The following ATP6V1B2 variants were observed in gnomAD, a reference collection of about 807,000 sequenced individuals.
ATP6V1B2 encodes the protein V-type proton ATPase subunit B, brain isoform.
Under a neutral mutation model 66.7 loss-of-function variants are expected in ATP6V1B2, and 23 were observed. That is an observed-to-expected ratio of 0.34 (90% CI 0.25 to 0.49). The LOEUF (loss-of-function observed/expected upper bound fraction) is 0.49, where lower values mean the gene tolerates loss of function less well. Ranked by LOEUF, ATP6V1B2 falls within the 20% of genes least tolerant of loss-of-function variation. ATP6V1B2 has a pLI of 0.99. For synonymous variants in ATP6V1B2, 278 were observed against 236.7 expected (o/e 1.17, Z -1.60); for missense variants, 478 against 650.8 (o/e 0.73, Z 2.89).
At chr8:20,219,364 T>C (rs1272704574) in intron 13 of ATP6V1B2, among the ~76,000 whole-genome samples, 4 of 152,138 alleles carry the variant, frequency 2.6e-5, no homozygotes, top group African/African-American at 9.7e-5. Flanking sequence ...AGGGTAAATA[T>C]ATTACTAATT....
At chr8:20,207,699 A>G (rs2072752831) in intron 2 of ATP6V1B2, among the ~76,000 whole-genome samples, 1 of 152,068 alleles carries the variant, frequency 6.6e-6, no homozygotes, top group African/African-American at 2.4e-5. Context: ...TGTTGTGCAC[A>G]TGTATCCTAA....
chr8:20,217,516 T>C (rs1042932336), intron 12 of ATP6V1B2, among the ~76,000 whole-genome samples, 192 bp downstream of exon 12: 1 of 152,164 alleles, frequency 6.6e-6, no homozygotes, highest in Admixed American at 6.5e-5. Context: ...ATGCAAATGA[T>C]CAAGATTAGC....
In ATP6V1B2 at chr8:20,212,278, G is replaced by C. The variant is rs10156354; in HGVS notation, c.803+79G>C. ...TCTTAAGGTTGGGGAGGTAAAATGT[G>C]GTAATAACAGCATTTGGACCTAACA... On this transcript the variant is annotated intron_variant, in intron 8 of 13. Transcript: ENST00000276390. The C allele has an allele frequency of 0.29, 387,232 of 1,332,192 alleles. 56,921 individuals carry two copies. The highest frequency in any genetic ancestry group is 0.37 in the African/African-American group (25,354 of 68,674). The allele number at this position is 1,332,192 out of a possible 1,614,324, so 82.5% of individuals were successfully genotyped here.
At chr8:20,206,183 T>G (rs1258871268) in intron 2 of ATP6V1B2, among the ~76,000 whole-genome samples, 1 of 152,264 alleles carries the variant, frequency 6.6e-6, no homozygotes, top group African/African-American at 2.4e-5. Flanking sequence ...ACTGCTGTTC[T>G]CAGTATGTAC....
intron 1 of ATP6V1B2, among the ~76,000 whole-genome samples, chr8:20,200,650 A>G (rs1477493814): frequency 6.6e-6 from 1 of 152,246 alleles, no homozygotes; most frequent in African/African-American, 2.4e-5. Context: ...GAAAAGATTC[A>G]ACAACATACA....
chr8:20,206,075 G>A (rs1047983892), intron 2 of ATP6V1B2, among the ~76,000 whole-genome samples: 2 of 152,168 alleles, frequency 1.3e-5, no homozygotes, highest in Non-Finnish European at 2.9e-5. Context: ...TAACCTCTTA[G>A]TGAGTATCTA....
intron 8 of ATP6V1B2, 53 bp downstream of exon 8, chr8:20,212,252 G>C: frequency 6.4e-7 from 1 of 1,555,868 alleles, no homozygotes; most frequent in Non-Finnish European, 8.8e-7. Flanking sequence ...TCAAAAGTGT[G>C]TCTTAAGGTT....
At chr8:20,204,731 T>G (rs1210654128) in intron 2 of ATP6V1B2, among the ~76,000 whole-genome samples, 192 bp downstream of exon 2, 2 of 152,142 alleles carry the variant, frequency 1.3e-5, no homozygotes. Flanking sequence ...CCTGAGCTGT[T>G]TGACCAAAAT....
Position 20,218,144 on chromosome 8 carries a change from T to C in ATP6V1B2, c.1267-9T>C. 6.2e-7 allele frequency: 1 copy of C among 1,611,316 alleles called. No individual in the cohort carries two copies. The highest frequency in any genetic ancestry group is 8.5e-7 in the Non-Finnish European group (1 of 1,178,694). ...TCTCTCTGCTGATGGGTGCCTTTCT[T>C]CTCTTTAGTATGCGTGCTATGCTAT... On this transcript the variant is annotated splice_polypyrimidine_tract_variant and intron_variant, in intron 12 of 13. Transcript: ENST00000276390.
chr8:20,202,874 G>A (rs1015877209), intron 1 of ATP6V1B2, among the ~76,000 whole-genome samples: 6 of 152,086 alleles, frequency 3.9e-5, no homozygotes, highest in African/African-American at 1.2e-4. Flanking sequence ...AAAGGTCTAC[G>A]TTTCTGCATT....
chr8:20,208,963 C>A (rs1218931149), intron 2 of ATP6V1B2, among the ~76,000 whole-genome samples: 2 of 152,118 alleles, frequency 1.3e-5, no homozygotes, highest in African/African-American at 2.4e-5. Flanking sequence ...CCCATCTTAG[C>A]TTCCCAAAGT....
chr8:20,209,162 G>A (rs912563094), intron 2 of ATP6V1B2, among the ~76,000 whole-genome samples: 2 of 152,140 alleles, frequency 1.3e-5, no homozygotes, highest in African/African-American at 4.8e-5. Flanking sequence ...TATGCATGCA[G>A]AGGAAAAGCA....
Position 20,203,909 on chromosome 8 carries a change from T to C in ATP6V1B2, c.137-575T>C, listed in dbSNP as rs748780818. 1.1e-5 allele frequency: 5 copies of C among 445,988 alleles called. 1 individual carries two copies. Among genetic ancestry groups the C allele is most frequent in the South Asian group, 6.5e-5 (4 of 61,630 alleles). The allele number at this position is 445,988 out of a possible 1,614,324, so 27.6% of individuals were successfully genotyped here. On this transcript the variant is annotated intron_variant, in intron 1 of 13. Transcript: ENST00000276390. ...TGCCTACTCCGTCCTTCAGAAGCTCTTTTCCCTAGTTTTTATGACACCATT... is the reference window on the plus strand; with the variant it reads ...TGCCTACTCCGTCCTTCAGAAGCTCCTTTCCCTAGTTTTTATGACACCATT...
chr8:20,220,179 G>T (rs1421231443), intron 13 of ATP6V1B2, 84 bp from the exon 14 acceptor site: 1 of 1,451,150 alleles, frequency 6.9e-7, no homozygotes, highest in Admixed American at 2.4e-5. Context: ...TTAATACACT[G>T]CTAGTCATAT....
At chr8:20,211,777 A>G (rs372596079) in intron 7 of ATP6V1B2, 24 bp downstream of exon 7, 43 of 1,558,006 alleles carry the variant, frequency 2.8e-5, no homozygotes, top group African/African-American at 6.9e-5. Context: ...TTGTTTTAGT[A>G]TGATATGTAA....
intron 2 of ATP6V1B2, among the ~76,000 whole-genome samples, chr8:20,207,094 A>G (rs2072746613): frequency 6.6e-6 from 1 of 152,252 alleles, no homozygotes; most frequent in Non-Finnish European, 1.5e-5. Context: ...TTTACAGAAA[A>G]CTATAAAACA....
chr8:20,212,074 C>G (rs1357166330), intron 7 of ATP6V1B2, 28 bp from the exon 8 acceptor site: 1 of 1,578,750 alleles, frequency 6.3e-7, no homozygotes, highest in Admixed American at 1.7e-5. Context: ...TTTCTTCTCC[C>G]AGCACTGATG....
chr8:20,209,948 C>G (rs936907381), intron 3 of ATP6V1B2, among the ~76,000 whole-genome samples: 5 of 151,786 alleles, frequency 3.3e-5, no homozygotes, highest in Admixed American at 2.0e-4. Context: ...CAGGGATTGG[C>G]AAGATTTCTG....
chr8:20,219,943 C>G (rs1318328524), intron 13 of ATP6V1B2, among the ~76,000 whole-genome samples: 2 of 152,130 alleles, frequency 1.3e-5, no homozygotes, highest in Non-Finnish European at 2.9e-5. Context: ...TCTTACTAAT[C>G]TCTGGACAAA....
Sources: allele counts gnomAD v4.1 joint callset (sites outside exome capture counted in the v4.1 genomes callset), GRCh38; gene constraint gnomAD v4.1.1; transcripts MANE v1.5; gene names NCBI Gene and HGNC (gene_info 2026-07-23, HGNC 2026-07-21).